The following CAST variants were observed in gnomAD, a reference collection of about 807,000 sequenced individuals.
The protein encoded by CAST is calpastatin.
A neutral mutation model predicts 119.6 loss-of-function variants in CAST; 76 were observed. The ratio of observed to expected loss-of-function variants is 0.64; its 90% CI spans 0.53 to 0.77. The LOEUF is 0.77. Among genes scored for constraint, CAST ranks in the 30% least tolerant of loss-of-function variants. The pLI, the probability that CAST is intolerant of heterozygous loss-of-function variation, is 0.00. For synonymous variants in CAST, 319 were observed against 331.6 expected (o/e 0.96, Z 0.41); for missense variants, 953 against 946.5 (o/e 1.01, Z -0.09).
chr5:95,997,065 CTT>C, the CAST span, among the ~76,000 whole-genome samples: 1 of 152,086 alleles, frequency 6.6e-6, no homozygotes, highest in Non-Finnish European at 1.5e-5. Flanking sequence ...AAGAAGCAAA[CTT>C]AATAGTATTT....
chr5:96,558,207 T>C (rs1474589081), intron 1 of CAST, among the ~76,000 whole-genome samples: 1 of 151,784 alleles, frequency 6.6e-6, no homozygotes, highest in Non-Finnish European at 1.5e-5. Flanking sequence ...TTCAAAGCAA[T>C]GTGTAGAGGG....
chr5:96,093,216 TC>T, the CAST span, among the ~76,000 whole-genome samples: 1 of 152,150 alleles, frequency 6.6e-6, no homozygotes, highest in Non-Finnish European at 1.5e-5. Context: ...GTGACCCAAT[TC>T]TTTATTTAGT....
chr5:96,118,051 C>T, the CAST span, among the ~76,000 whole-genome samples: 1 of 152,108 alleles, frequency 6.6e-6, no homozygotes. Flanking sequence ...AATAAGGATA[C>T]GTTTGCTGTA....
At chr5:96,069,356 T>TGA in the CAST span, among the ~76,000 whole-genome samples, 2 of 52,944 alleles carry the variant, frequency 3.8e-5, no homozygotes, top group East Asian at 1.1e-3. Context: ...TGTGTATGTA[T>TGA]GTGTGTGTGT....
chr5:96,446,946 G>C, the CAST span, among the ~76,000 whole-genome samples: 1 of 152,196 alleles, frequency 6.6e-6, no homozygotes, highest in African/African-American at 2.4e-5. Flanking sequence ...TGGGGGATTT[G>C]GGAGGAAAGG....
intron 1 of CAST, among the ~76,000 whole-genome samples, chr5:96,562,980 AG>A (rs34815859): frequency 0.3 from 44,938 of 152,036 alleles, 7,566 homozygotes; most frequent in Middle Eastern, 0.43. Flanking sequence ...CTTAGGAAGG[AG>A]TTTTCTGTCC....
the CAST span, among the ~76,000 whole-genome samples, chr5:96,411,317 C>A: frequency 5.3e-4 from 81 of 152,326 alleles, no homozygotes; most frequent in South Asian, 2.1e-4. Context: ...GCACTTAAAT[C>A]TTTGAACTTC....
chr5:96,491,205 G>A, the CAST span, among the ~76,000 whole-genome samples: 287 of 152,114 alleles, frequency 1.9e-3, no homozygotes, highest in South Asian at 3.5e-3. Context: ...AAAAGACCAG[G>A]CCGGGCACGG....
At chr5:96,721,720 AT>A (rs1487846601) in intron 3 of CAST, among the ~76,000 whole-genome samples, 1 of 152,202 alleles carries the variant, frequency 6.6e-6, no homozygotes, top group African/African-American at 2.4e-5. Context: ...GTTTGCAAAG[AT>A]TATAATTATC....
chr5:96,742,546 C>T (rs1464837090), intron 15 of CAST, 109 bp from the exon 16 acceptor site: 3 of 745,576 alleles, frequency 4.0e-6, no homozygotes, highest in Non-Finnish European at 6.8e-6. Context: ...AGCACTTCCC[C>T]AATCCATATT....
the CAST span, among the ~76,000 whole-genome samples, chr5:96,288,559 A>C: frequency 6.6e-6 from 1 of 152,340 alleles, no homozygotes; most frequent in South Asian, 2.1e-4. Flanking sequence ...TTAACTCCAA[A>C]GCAAATGTAC....
chr5:96,535,120 T>G (rs1011229089), intron 1 of CAST, among the ~76,000 whole-genome samples: 2 of 152,108 alleles, frequency 1.3e-5, no homozygotes, highest in African/African-American at 2.4e-5. Flanking sequence ...CCTTGTAAAT[T>G]CAATAAATAC....
At position 96,591,429 on chromosome 5, in the gene CAST, TC is replaced by T. The variant is rs1309855294; in HGVS notation, c.60+61550del. Among the ~76,000 whole-genome samples, 4 of 152,222 alleles carry T rather than the reference TC, an allele frequency of 2.6e-5. No individual in the cohort carries two copies. In the East Asian group the frequency reaches 7.7e-4, roughly 29 times the overall value. ...ACAATGATCTGATTAGTCGAGGTGG[TC>T]TTTTTCTTTCGAGAAGGCATATTTA... On this transcript the variant is annotated intron_variant, in intron 1 of 11. Coordinates refer to the CAST transcript ENST00000505143.
intron 2 of CAST, among the ~76,000 whole-genome samples, chr5:96,678,307 T>C (rs1426208485): frequency 6.6e-6 from 1 of 152,236 alleles, no homozygotes; most frequent in Non-Finnish European, 1.5e-5. Flanking sequence ...AATAACTTAC[T>C]GTCCCCAAGC....
the CAST span, among the ~76,000 whole-genome samples, chr5:96,265,606 G>A: frequency 6.6e-6 from 1 of 152,202 alleles, no homozygotes; most frequent in African/African-American, 2.4e-5. Context: ...AATAATGAGG[G>A]AAGATCTTCT....
chr5:96,310,702 T>C, the CAST span, among the ~76,000 whole-genome samples: 508 of 152,068 alleles, frequency 3.3e-3, 3 homozygotes, highest in African/African-American at 0.011. Flanking sequence ...TTCTTCTCAG[T>C]TATCTAATTT....
At chr5:96,359,136 A>G in the CAST span, among the ~76,000 whole-genome samples, 1 of 152,056 alleles carries the variant, frequency 6.6e-6, no homozygotes, top group Non-Finnish European at 1.5e-5. Flanking sequence ...AGTCTGTTTT[A>G]TCAGAAACTA....
At chr5:96,329,206 T>C in the CAST span, among the ~76,000 whole-genome samples, 3 of 152,218 alleles carry the variant, frequency 2.0e-5, no homozygotes, top group African/African-American at 7.2e-5. Context: ...AAGAGTGCAA[T>C]TAGCCTCACT....
At chr5:96,140,559 CA>C in the CAST span, among the ~76,000 whole-genome samples, 1 of 152,190 alleles carries the variant, frequency 6.6e-6, no homozygotes, top group East Asian at 1.9e-4. Context: ...GCTCTGAGCC[CA>C]GATTCTGACT....
Sources: allele counts gnomAD v4.1 joint callset (sites outside exome capture counted in the v4.1 genomes callset), GRCh38; gene constraint gnomAD v4.1.1; transcripts MANE v1.5; gene names NCBI Gene and HGNC (gene_info 2026-07-23, HGNC 2026-07-21).